DNAH17: variants seen among roughly 807,000 people sequenced by gnomAD.
DNAH17 encodes dynein axonemal heavy chain 17.
DNAH17 carries 376 observed loss-of-function variants against 485.6 expected under a neutral mutation model. The ratio of observed to expected loss-of-function variants is 0.77; its 90% CI spans 0.71 to 0.84. The LOEUF is 0.84. Ranked by LOEUF, DNAH17 falls within the 40% of genes least tolerant of loss-of-function variation. The pLI is 0.00. For synonymous variants in DNAH17, 3,031 were observed against 2,405.9 expected (o/e 1.26, Z -7.60); for missense variants, 6,370 against 5,839.3 (o/e 1.09, Z -2.96).
intron 51 of DNAH17, chr17:78,478,757 A>G (rs982543055): frequency 4.7e-6 from 2 of 426,046 alleles, no homozygotes; most frequent in Non-Finnish European, 8.3e-6. Context: ...CACCACCATC[A>G]CTATCATCAT....
intron 79 of DNAH17, among the ~76,000 whole-genome samples, chr17:78,426,223 C>CTGAT (rs975243063): frequency 6.7e-6 from 1 of 148,232 alleles, no homozygotes; most frequent in Non-Finnish European, 1.5e-5. Flanking sequence ...TGAGGAGGAG[C>CTGAT]TGATGGAAGC....
In DNAH17 at chr17:78,485,755, G is replaced by T; in HGVS notation, c.7278C>A (p.Ala2426=). The T allele has an allele frequency of 6.2e-7, 1 of 1,611,510 alleles. No homozygotes were observed. The highest frequency in any genetic ancestry group is 8.5e-7 in the Non-Finnish European group (1 of 1,179,676). The change falls in exon 47 of 81, where the codon GCC becomes GCA. Residue 2426 remains alanine (A), a splice_region_variant and synonymous_variant. Coordinates refer to ENST00000389840, the MANE Select transcript of DNAH17 (RefSeq NM_173628.4). ...FELDPDVPLQ[A]SLVHTTETIR... is the part of the protein sequence containing the mutation. ...TGGTTTCCGTGGTGTGGACCAAAGA[G>T]GCCTGGGGCAGGGGAGGGAAGGGGA...
At chr17:78,452,882 G>A (rs2087614889) in intron 65 of DNAH17, among the ~76,000 whole-genome samples, 1 of 152,216 alleles carries the variant, frequency 6.6e-6, no homozygotes, top group African/African-American at 2.4e-5. Flanking sequence ...CAGGAGGGAG[G>A]GGAATGAAGA....
chr17:78,450,558 G>A (rs946872503), intron 67 of DNAH17, 124 bp downstream of exon 67: 20 of 1,416,870 alleles, frequency 1.4e-5, no homozygotes, highest in South Asian at 1.1e-4. Context: ...CCTGCCCTGG[G>A]CCCACTCGGG....
intron 69 of DNAH17, among the ~76,000 whole-genome samples, chr17:78,447,260 T>C (rs1006732094): frequency 4.6e-4 from 70 of 152,300 alleles, no homozygotes; most frequent in Admixed American, 2.0e-3. Context: ...ATTAATGCTG[T>C]TGTGAATGCT....
At position 78,532,530 on chromosome 17, in the gene DNAH17, A is replaced by G. The variant is rs2091268473; in HGVS notation, c.3066T>C (p.Asp1022=). ...TGGGCGGTGTCTTGGGGATGGTGTC[A>G]TCTGTCCAGGTGTCCAAGTCCTCCG... ...VTAEDLDTWT[D]DTIPKTPPTL... is the part of the protein sequence containing the mutation. Residue 1022 remains aspartate (D), a synonymous_variant, in exon 20 of 81, where the codon GAT becomes GAC. Coordinates refer to ENST00000389840, the MANE Select transcript of DNAH17 (RefSeq NM_173628.4). The G allele has an allele frequency of 6.2e-7, 1 of 1,611,462 alleles. No individual in the cohort carries two copies. Among genetic ancestry groups the G allele is most frequent in the Non-Finnish European group, 8.5e-7 (1 of 1,179,094 alleles).
chr17:78,449,128 A>T (rs2087436980), intron 69 of DNAH17, among the ~76,000 whole-genome samples: 1 of 152,190 alleles, frequency 6.6e-6, no homozygotes, highest in Admixed American at 6.5e-5. Context: ...CACAACTTAC[A>T]TGTAAAATGA....
intron 47 of DNAH17, 145 bp downstream of exon 47, chr17:78,485,405 A>G (rs886729160): frequency 1.6e-5 from 13 of 807,112 alleles, no homozygotes; most frequent in Non-Finnish European, 2.3e-5. Context: ...CGACTCAGGA[A>G]GGAAAGGCCA....
intron 71 of DNAH17, among the ~76,000 whole-genome samples, chr17:78,443,221 A>G (rs552974252): frequency 6.6e-6 from 1 of 152,270 alleles, no homozygotes; most frequent in African/African-American, 2.4e-5. Context: ...CATCCTCTAG[A>G]CGAGGAATCG....
intron 80 of DNAH17, chr17:78,425,054 A>G: frequency 3.8e-6 from 1 of 263,728 alleles, no homozygotes; most frequent in Non-Finnish European, 7.2e-6. Flanking sequence ...AGCGCTTTTC[A>G]TCACGTCGGA....
At chr17:78,527,153 T>C (rs967038979) in intron 22 of DNAH17, among the ~76,000 whole-genome samples, 157 bp from the exon 23 acceptor site, 3 of 152,044 alleles carry the variant, frequency 2.0e-5, no homozygotes, top group African/African-American at 7.2e-5. Flanking sequence ...GAGGCTGAGA[T>C]GGAAGGATCA....
intron 25 of DNAH17, among the ~76,000 whole-genome samples, chr17:78,519,764 A>T (rs899022193): frequency 6.6e-6 from 1 of 152,234 alleles, no homozygotes; most frequent in Non-Finnish European, 1.5e-5. Context: ...GAAACAGACC[A>T]ACGTGAACAA....
intron 14 of DNAH17, among the ~76,000 whole-genome samples, chr17:78,556,249 G>A (rs529764186): frequency 1.3e-5 from 2 of 151,964 alleles, no homozygotes; most frequent in South Asian, 4.2e-4. Flanking sequence ...CCTCCCATCT[G>A]TCTATCCCAT....
At chr17:78,523,896 A>G (rs1357790994) in intron 25 of DNAH17, among the ~76,000 whole-genome samples, 1 of 152,268 alleles carries the variant, frequency 6.6e-6, no homozygotes, top group Non-Finnish European at 1.5e-5. Flanking sequence ...GCAACAGAGC[A>G]GGACCTTGTC....
chr17:78,453,532 G>T, intron 64 of DNAH17, 67 bp from the exon 65 acceptor site: 2 of 1,587,590 alleles, frequency 1.3e-6, no homozygotes, highest in South Asian at 2.3e-5. Flanking sequence ...CGCACGCTCC[G>T]ACCAGCAGCC....
chr17:78,468,568 C>G, intron 55 of DNAH17, 49 bp downstream of exon 55: 1 of 1,577,890 alleles, frequency 6.3e-7, no homozygotes, highest in East Asian at 2.3e-5. Context: ...CTGTAGGCCA[C>G]GGGCACCAAG....
At position 78,532,573 on chromosome 17, in the gene DNAH17, T is replaced by C. The variant is rs778186278; in HGVS notation, c.3023A>G (p.Tyr1008Cys). The change falls in exon 20 of 81, where the codon TAT (tyrosine) becomes TGT (cysteine). Residue 1008 changes from tyrosine (Y) to cysteine (C), a missense_variant. By Grantham distance (194) the Tyr-to-Cys change is radical. Transcript: ENST00000389840. ...GTCCTCCGCAGTGACTGCACACCCA[T>C]ATATCAGGAAATTCTTCATAAACTC... ...LQEFMKNFLI[Y>C]GCAVTAEDLD... 4 of 1,609,886 alleles carry C rather than the reference T, an allele frequency of 2.5e-6. No individual in the cohort carries two copies. The highest frequency in any genetic ancestry group is 1.1e-5 in the South Asian group (1 of 90,154).
intron 22 of DNAH17, among the ~76,000 whole-genome samples, chr17:78,528,817 C>A (rs1006254350): frequency 6.6e-6 from 1 of 152,144 alleles, no homozygotes; most frequent in African/African-American, 2.4e-5. Flanking sequence ...CTGCCAGCCC[C>A]GCCCCCTTCA....
chr17:78,475,218 G>C, intron 54 of DNAH17, 60 bp downstream of exon 54: 1 of 1,571,502 alleles, frequency 6.4e-7, no homozygotes, highest in East Asian at 2.3e-5. Flanking sequence ...AGGGAGTGAA[G>C]TTTTTCTTTA....
Sources: gnomAD v4.1 joint callset for allele counts (sites outside exome capture counted in the v4.1 genomes callset) on GRCh38, gnomAD v4.1.1 for gene constraint, MANE v1.5 for transcripts, NCBI Gene and HGNC (gene_info 2026-07-23, HGNC 2026-07-21) for gene names.